Variants in AP1S3 observed in about 807,000 individuals in gnomAD.
AP1S3 encodes the protein adaptor related protein complex 1 subunit sigma 3, also known as AP-1 complex subunit sigma-3.
A neutral mutation model predicts 20.9 loss-of-function variants in AP1S3; 10 were observed. The ratio of observed to expected loss-of-function variants is 0.48; its 90% CI spans 0.29 to 0.81. AP1S3 has a LOEUF of 0.81. Ranked by LOEUF, AP1S3 falls within the 30% of genes least tolerant of loss-of-function variation. The pLI, the probability that AP1S3 is intolerant of heterozygous loss-of-function variation, is 0.08. For synonymous variants in AP1S3, 41 were observed against 61.5 expected, an observed-to-expected ratio of 0.67 and a Z score of 1.56; for missense variants, 154 against 183.8, an observed-to-expected ratio of 0.84 and a Z score of 0.94.
chr2:223,836,512 G>T (rs922375226), intron 1 of AP1S3, among the ~76,000 whole-genome samples: 12 of 152,226 alleles, frequency 7.9e-5, no homozygotes, highest in African/African-American at 2.7e-4. Flanking sequence ...GGCCGAGGCA[G>T]GCGGATCACC....
At chr2:223,786,003 G>A (rs939143166) in intron 1 of AP1S3, among the ~76,000 whole-genome samples, 1 of 152,200 alleles carries the variant, frequency 6.6e-6, no homozygotes, top group Non-Finnish European at 1.5e-5. Flanking sequence ...GTTGCAGCAG[G>A]TGTACTACTC....
chr2:223,765,533 C>A (rs1046639068), intron 3 of AP1S3, among the ~76,000 whole-genome samples, 183 bp from the exon 4 acceptor site: 1 of 152,104 alleles, frequency 6.6e-6, no homozygotes, highest in African/African-American at 2.4e-5. Context: ...TGGAATGCTA[C>A]ATTCTATTAA....
At chr2:223,795,555 A>G (rs1169579877) in intron 1 of AP1S3, among the ~76,000 whole-genome samples, 1 of 151,260 alleles carries the variant, frequency 6.6e-6, no homozygotes, top group Non-Finnish European at 1.5e-5. Context: ...GATTTCATCC[A>G]GGGCCTGCTG....
chr2:223,773,223 A>C (rs779554857), intron 3 of AP1S3: 11 of 1,211,118 alleles, frequency 9.1e-6, no homozygotes, highest in Non-Finnish European at 1.2e-5. Flanking sequence ...AATTCACATT[A>C]TCACAGTTGG....
chr2:223,799,551 C>G (rs901112933), intron 1 of AP1S3, among the ~76,000 whole-genome samples: 1 of 152,196 alleles, frequency 6.6e-6, no homozygotes, highest in African/African-American at 2.4e-5. Flanking sequence ...AAAATCATCA[C>G]TGTTGTTTTC....
intron 3 of AP1S3, among the ~76,000 whole-genome samples, chr2:223,775,378 G>C (rs1223959111): frequency 6.6e-6 from 1 of 152,014 alleles, no homozygotes; most frequent in African/African-American, 2.4e-5. Flanking sequence ...TTATAGCTTA[G>C]AAAAAAAGCC....
chr2:223,793,202 C>T (rs1691249607), intron 1 of AP1S3, among the ~76,000 whole-genome samples: 1 of 152,172 alleles, frequency 6.6e-6, no homozygotes. Flanking sequence ...CGCCAATTGA[C>T]TGAGCAACTC....
rs183734992 is a variant in AP1S3 at position 223,762,698 on chromosome 2, C to T, written c.429+2515G>A. Among the ~76,000 whole-genome samples, 17 of 152,312 alleles carry T rather than the reference C, an allele frequency of 1.1e-4. No homozygotes were observed. In the East Asian group the frequency reaches 2.3e-3, roughly 21 times the overall value. ...CTCTTATCAACATCTAGCCACCACA[C>T]GCTCAGAATAAGCTTTGAGCATTTG... On this transcript the variant is annotated intron_variant, in intron 4 of 4. Transcript: ENST00000396654.
At chr2:223,765,174 T>A in intron 4 of AP1S3, 39 bp downstream of exon 4, 1 of 1,607,978 alleles carries the variant, frequency 6.2e-7, no homozygotes, top group African/African-American at 1.3e-5. Flanking sequence ...ATCATCATCA[T>A]CATCATCTTT....
chr2:223,786,169 C>G (rs926393666), intron 1 of AP1S3, among the ~76,000 whole-genome samples: 7 of 152,196 alleles, frequency 4.6e-5, no homozygotes, highest in Non-Finnish European at 7.3e-5. Flanking sequence ...ACCGAAGTAT[C>G]TCCTAGCTAC....
chr2:223,777,658 T>A, intron 2 of AP1S3, 33 bp downstream of exon 2: 3 of 1,592,578 alleles, frequency 1.9e-6, no homozygotes, highest in Non-Finnish European at 2.6e-6. Flanking sequence ...AAAGTAAGAC[T>A]GAGAAATTGA....
intron 1 of AP1S3, among the ~76,000 whole-genome samples, chr2:223,781,791 G>T (rs1386913420): frequency 2.0e-5 from 3 of 152,040 alleles, no homozygotes. Context: ...AATGCCTAGT[G>T]AACAGTTCCA....
At chr2:223,835,841 G>A (rs1692382492) in intron 1 of AP1S3, among the ~76,000 whole-genome samples, 2 of 152,110 alleles carry the variant, frequency 1.3e-5, no homozygotes, top group Admixed American at 1.3e-4. Flanking sequence ...CCATTCCTCA[G>A]CACAAAAGCA....
chr2:223,831,858 C>T (rs1389192571), intron 1 of AP1S3, among the ~76,000 whole-genome samples: 6 of 152,046 alleles, frequency 3.9e-5, no homozygotes, highest in African/African-American at 7.2e-5. Flanking sequence ...GGGCAGATCA[C>T]GAGGTCAGGA....
In AP1S3 at chr2:223,777,749, G is replaced by T. The variant is rs745424134; in HGVS notation, c.124C>A (p.Arg42Ser). Residue 42 changes from arginine to serine, a missense_variant, in exon 2 of 5, where the codon CGT becomes AGT. Coordinates refer to ENST00000396654, the MANE Select transcript of AP1S3 (RefSeq NM_001039569.2). ...ACAAAACTGCTTGTCCTGTGACCAC[G>T]GGAGAGAATAATCTGAACAATTTCC... The part of the protein sequence containing the change: ...TREIVQIILS[R>S]GHRTSSFVDW... 5.6e-6 allele frequency: 9 copies of T among 1,614,088 alleles called. No individual in the cohort carries two copies. The highest frequency in any genetic ancestry group is 7.6e-6 in the Non-Finnish European group (9 of 1,180,012).
At chr2:223,823,665 CT>C (rs1652995490) in intron 1 of AP1S3, among the ~76,000 whole-genome samples, 1 of 152,050 alleles carries the variant, frequency 6.6e-6, no homozygotes, top group Admixed American at 6.6e-5. Flanking sequence ...TTCAAGAGCT[CT>C]ATGGTACAAC....
At chr2:223,824,976 G>A (rs113685646) in intron 1 of AP1S3, among the ~76,000 whole-genome samples, 2,407 of 152,186 alleles carry the variant, frequency 0.016, 32 homozygotes, top group Non-Finnish European at 0.025. Context: ...CGGAGGGGCA[G>A]AGCTGGGAAG....
intron 1 of AP1S3, among the ~76,000 whole-genome samples, chr2:223,830,469 A>C: frequency 7.9e-6 from 1 of 127,062 alleles, no homozygotes; most frequent in East Asian, 2.2e-4. Flanking sequence ...ACAGAGTGAG[A>C]CTCTCTCTCA....
Position 223,762,268 on chromosome 2 carries a change from A to ATTTTTTTTTTTTTTTTTTTTT in AP1S3, c.429+2924_429+2944dup, listed in dbSNP as rs57119521. On this transcript the variant is annotated intron_variant, in intron 4 of 4. Coordinates refer to ENST00000396654, the MANE Select transcript of AP1S3 (RefSeq NM_001039569.2). ...TAGGCATGAGCCATTGTGCCCAGCA[A>ATTTTTTTTTTTTTTTTTTTTT]TTTTTTTTTTTTTTTTTTTTTTGAG... Among the ~76,000 whole-genome samples the ATTTTTTTTTTTTTTTTTTTTT allele has an allele frequency of 6.7e-5, 7 of 105,198 alleles. 3 individuals carry two copies. Among genetic ancestry groups the ATTTTTTTTTTTTTTTTTTTTT allele is most frequent in the African/African-American group, 7.4e-5 (2 of 27,072 alleles). The allele number at this position is 105,198 out of a possible 152,430, so 69.0% of individuals were successfully genotyped here.
Sources: gnomAD v4.1 joint callset for allele counts (sites outside exome capture counted in the v4.1 genomes callset) on GRCh38, gnomAD v4.1.1 for gene constraint, MANE v1.5 for transcripts, NCBI Gene and HGNC (gene_info 2026-07-23, HGNC 2026-07-21) for gene names.